The following MX1 variants were observed in gnomAD, a reference collection of about 807,000 sequenced individuals.
MX1 encodes the protein interferon-induced GTP-binding protein Mx1.
In MX1, 66 loss-of-function variants were observed where a neutral mutation model predicts 66.4. The observed-to-expected ratio is 0.99, with a 90% confidence interval of 0.82 to 1.22. MX1 has a LOEUF of 1.22. Among genes scored for constraint, MX1 ranks in the 50% most tolerant of loss-of-function variants. The probability of loss-of-function intolerance (pLI) is 0.00; values close to 1 mark genes in which losing one functional copy is unlikely to be tolerated. For synonymous variants in MX1, 311 were observed against 318.1 expected (o/e 0.98, Z 0.24); for missense variants, 787 against 834.3 (o/e 0.94, Z 0.70).
chr21:41,426,889 CGCG>C (rs2146043402), intron 1 of MX1: 1 of 152,378 alleles, frequency 6.6e-6, no homozygotes, highest in African/African-American at 2.4e-5. Flanking sequence ...GCCTCCCCGG[CGCG>C]TGGGGCTGAC....
rs1555882293 is a variant in MX1 at position 41,426,850 on chromosome 21, C to CCCA, written c.-308-355_-308-354insCAC. Reference sequence around the variant, plus strand: ...GAAGACCCCTGCCCGCTGTTCCCCCCCACCGCCCCAGTGGATGCCATGCCT... The same window carrying CCCA: ...GAAGACCCCTGCCCGCTGTTCCCCCCCCACACCGCCCCAGTGGATGCCATGCCT... On this transcript the variant is annotated intron_variant, in intron 1 of 16. Transcript: ENST00000398598. 2.6e-5 allele frequency: 4 copies of CCCA among 152,250 alleles called. No individual in the cohort carries two copies. The East Asian group carries it at 7.8e-4, about 30-fold the overall frequency. The allele number at this position is 152,250 out of a possible 1,614,324, so 9.4% of individuals were successfully genotyped here.
rs754492568 is a variant in MX1 at position 41,458,706 on chromosome 21, G to T, written c.1937G>T (p.Arg646Leu). 6.2e-7 allele frequency: 1 copy of T among 1,614,068 alleles called. No individual in the cohort carries two copies. Residue 646 changes from arginine to leucine, a missense_variant, in exon 17 of 17, where the codon CGG becomes CTG. Arg to Leu is a moderately radical substitution (Grantham distance 102). Transcript: ENST00000398598. ...TSDKRKFLKE[R>L]LARLTQARRR... ...GACAAGCGGAAGTTCCTGAAGGAGC[G>T]GCTTGCACGGCTGACGCAGGCTCGG... is the stretch of plus-strand genomic sequence containing the variant.
At chr21:41,447,837 G>A (rs2090707668) in intron 13 of MX1, among the ~76,000 whole-genome samples, 1 of 152,096 alleles carries the variant, frequency 6.6e-6, no homozygotes, top group Non-Finnish European at 1.5e-5. Flanking sequence ...CCAGATTCAA[G>A]CGATTCTCCT....
In MX1 at chr21:41,434,156, A is replaced by G. The variant is rs117090400; in HGVS notation, c.106-1681A>G. ...TAAAAACGTCTGTCTATGATGAAGC[A>G]TGCACAAAAATAGTCATTAGAAAGA... is the stretch of plus-strand genomic sequence containing the variant. On this transcript the variant is annotated intron_variant, in intron 5 of 16. Coordinates refer to ENST00000398598, the MANE Select transcript of MX1 (RefSeq NM_002462.5). Among the ~76,000 whole-genome samples, 97 of 152,376 alleles carry G rather than the reference A, an allele frequency of 6.4e-4. No individual in the cohort carries two copies. The East Asian group carries it at 0.016, about 25-fold the overall frequency.
chr21:41,452,738 C>T lies in MX1; in HGVS notation c.1627C>T (p.Gln543Ter), dbSNP rs764049026. 1.2e-6 allele frequency: 2 copies of T among 1,614,146 alleles called. No individual in the cohort carries two copies. Among genetic ancestry groups the T allele is most frequent in the East Asian group, 2.2e-5 (1 of 44,884 alleles). ...CQDQVYRGAL[Q>*]KVREKELEEE... is the part of the protein sequence containing the mutation. ...GGACCAGGTATACAGGGGTGCATTGCAGAAGGTCAGAGAGAAGGAGCTGGA... is the reference window on the plus strand; with the variant it reads ...GGACCAGGTATACAGGGGTGCATTGTAGAAGGTCAGAGAGAAGGAGCTGGA... Residue 543 changes from glutamine to a stop codon, truncating the protein, a stop_gained, in exon 16 of 17, where the codon CAG becomes TAG. Transcript: ENST00000398598. LOFTEE classifies it high-confidence loss of function.
rs138191536 is a variant in MX1 at position 41,458,993 on chromosome 21, G to A, written c.*235G>A. ...GGCGGGATTGAAGGATGCTGTCTTC[G>A]TACTGGGAAAGGGATTTTCAGCCCT... On this transcript the variant is annotated 3_prime_UTR_variant, in exon 17 of 17. Transcript: ENST00000398598. 68 of 684,028 alleles carry A rather than the reference G, an allele frequency of 9.9e-5. No individual in the cohort carries two copies. Among genetic ancestry groups the A allele is most frequent in the East Asian group, 2.8e-4 (10 of 35,680 alleles). The allele number at this position is 684,028 out of a possible 1,614,324, so 42.4% of individuals were successfully genotyped here. A position where few individuals can be genotyped will look rare whatever the true frequency, so the allele number is the denominator to read the frequency against.
chr21:41,444,318 C>CTTTTTTTTTTTTTTTTTTT (rs11317486), intron 11 of MX1, among the ~76,000 whole-genome samples: 21 of 71,540 alleles, frequency 2.9e-4, no homozygotes, highest in East Asian at 4.4e-4. Flanking sequence ...TCTTTTCTTT[C>CTTTTTTTTTTTTTTTTTTT]TTTTTTTTTT....
At chr21:41,439,317 A>T (rs2090443221) in intron 7 of MX1, among the ~76,000 whole-genome samples, 1 of 152,200 alleles carries the variant, frequency 6.6e-6, no homozygotes, top group South Asian at 2.1e-4. Flanking sequence ...TTTATATTTT[A>T]GGCATTTCCA....
intron 11 of MX1, 130 bp from the exon 12 acceptor site, chr21:41,445,318 G>C (rs34937035): frequency 0.024 from 28,057 of 1,149,936 alleles, 1,440 homozygotes; most frequent in South Asian, 0.15. Flanking sequence ...GTCTGGAAAA[G>C]CTTCCTTTTA....
At chr21:41,445,737 C>A in intron 12 of MX1, 167 bp downstream of exon 12, 1 of 1,016,630 alleles carries the variant, frequency 9.8e-7, no homozygotes, top group Non-Finnish European at 1.4e-6. Context: ...GCAGGGAGTG[C>A]AGATGTGGGG....
chr21:41,437,150 A>G lies in MX1; in HGVS notation c.434A>G (p.Lys145Arg). ...TCAGAGGTAGAAAAGGAAATTAATA[A>G]AGGTGAGTACCCCCTGTTTGGATGC... ...DASEVEKEINKAQNAIAGEGM... is the reference protein window; with the variant it reads ...DASEVEKEINRAQNAIAGEGM... The change falls in exon 7 of 17, where the codon AAA (lysine) becomes AGA (arginine). Residue 145 changes from lysine to arginine, a missense_variant and splice_region_variant. Lys to Arg is a conservative substitution (Grantham distance 26). Transcript: ENST00000398598. 1 of 1,613,914 alleles carries G rather than the reference A, an allele frequency of 6.2e-7. No individual in the cohort carries two copies. The highest frequency in any genetic ancestry group is 8.5e-7 in the Non-Finnish European group (1 of 1,179,884).
intron 13 of MX1, among the ~76,000 whole-genome samples, chr21:41,448,017 C>T (rs1327281098): frequency 6.6e-6 from 1 of 152,238 alleles, no homozygotes; most frequent in African/African-American, 2.4e-5. Flanking sequence ...GCGTGAGCCA[C>T]TGTGCCTGGC....
chr21:41,451,155 C>G lies in MX1; in HGVS notation c.1433-12C>G, dbSNP rs1296986181. ...CCTACCAATATTGAACTATTTTTCT[C>G]TCTTTGATTAGATATGGTCCGGCTT... On this transcript the variant is annotated splice_polypyrimidine_tract_variant and intron_variant, in intron 14 of 16. Coordinates refer to ENST00000398598, the MANE Select transcript of MX1 (RefSeq NM_002462.5). 6.3e-7 allele frequency: 1 copy of G among 1,585,598 alleles called. No individual in the cohort carries two copies. The highest frequency in any genetic ancestry group is 1.7e-5 in the Admixed American group (1 of 58,876).
intron 5 of MX1, among the ~76,000 whole-genome samples, chr21:41,435,499 T>C (rs1186284336): frequency 6.6e-6 from 1 of 152,192 alleles, no homozygotes; most frequent in Non-Finnish European, 1.5e-5. Flanking sequence ...AAAAGAGGTT[T>C]AATTGACTCA....
chr21:41,447,846 C>T (rs2090708197), intron 13 of MX1, among the ~76,000 whole-genome samples: 1 of 152,156 alleles, frequency 6.6e-6, no homozygotes, highest in Admixed American at 6.5e-5. Context: ...AGCGATTCTC[C>T]TGCTTCAGCC....
At position 41,430,496 on chromosome 21, in the gene MX1, G is replaced by A. The variant is rs560195092; in HGVS notation, c.-97-37G>A. ...GTGGGTACTCTCGGGTGTTCCGCGG[G>A]TTTGGGTCTTACTTGTACACTTTGC... On this transcript the variant is annotated intron_variant, in intron 3 of 16. Coordinates refer to ENST00000398598, the MANE Select transcript of MX1 (RefSeq NM_002462.5). The A allele has an allele frequency of 1.1e-3, 167 of 152,242 alleles. 1 individual carries two copies. The highest frequency in any genetic ancestry group is 3.8e-3 in the African/African-American group (159 of 41,520). 9.4% of individuals were successfully genotyped at this position (152,242 alleles called of 1,614,324 possible).
At chr21:41,439,042 A>G (rs1019573333) in intron 7 of MX1, among the ~76,000 whole-genome samples, 5 of 152,100 alleles carry the variant, frequency 3.3e-5, no homozygotes, top group Admixed American at 6.6e-5. Context: ...TCATGACCAC[A>G]TGGCAGGTAC....
intron 16 of MX1, 140 bp from the exon 17 acceptor site, chr21:41,458,388 T>G (rs1346131269): frequency 4.2e-5 from 42 of 998,160 alleles, no homozygotes; most frequent in Middle Eastern, 3.2e-4. Flanking sequence ...TTGATGGGTT[T>G]GAAACCCAGG....
intron 16 of MX1, among the ~76,000 whole-genome samples, chr21:41,455,875 A>G (rs2090946849): frequency 6.6e-6 from 1 of 152,248 alleles, no homozygotes; most frequent in South Asian, 2.1e-4. Flanking sequence ...TGGAAGCATC[A>G]ATTCCTAGAA....
Sources: gnomAD v4.1 joint callset for allele counts (sites outside exome capture counted in the v4.1 genomes callset) on GRCh38, gnomAD v4.1.1 for gene constraint, MANE v1.5 for transcripts, NCBI Gene and HGNC (gene_info 2026-07-23, HGNC 2026-07-21) for gene names.